Variants in SEPTIN4 observed in about 807,000 individuals in gnomAD.
SEPTIN4 encodes septin-4.
A neutral mutation model predicts 107.1 loss-of-function variants in SEPTIN4; 52 were observed. That is an observed-to-expected ratio of 0.49 (90% CI 0.39 to 0.61). The LOEUF is 0.61. Ranked by LOEUF, SEPTIN4 falls within the 20% of genes least tolerant of loss-of-function variation. The pLI, the probability that SEPTIN4 is intolerant of heterozygous loss-of-function variation, is 0.00. For missense variants in SEPTIN4, 1,048 were observed against 1,243.5 expected (o/e 0.84, Z 2.36); for synonymous variants, 417 against 467.0 (o/e 0.89, Z 1.38).
chr17:58,526,449 T>C (rs1392916811), intron 4 of SEPTIN4, 136 bp from the exon 5 acceptor site: 2 of 1,389,348 alleles, frequency 1.4e-6, no homozygotes, highest in African/African-American at 1.5e-5. Flanking sequence ...AGTTCCCATC[T>C]GAGGCCACCA....
Position 58,520,730 on chromosome 17 carries a change from A to G in SEPTIN4, c.2931+13T>C, listed in dbSNP as rs996934934. The G allele has an allele frequency of 3.7e-6, 6 of 1,613,796 alleles. No individual in the cohort carries two copies. The African/African-American group carries it at 8.0e-5, about 22-fold the overall frequency. On this transcript the variant is annotated intron_variant, in intron 13 of 13. Transcript: ENST00000672673. ...AAACAGGAGACCTCCCCTATACCCC[A>G]TACTGCTCTCACCTCCTCATCTTTC...
At position 58,541,944 on chromosome 17, in the gene SEPTIN4, A is replaced by G. The variant is rs139756375; in HGVS notation, c.1584T>C (p.Asn528=). Residue 528 remains asparagine, a synonymous_variant, in exon 2 of 14, where the codon AAT becomes AAC. Transcript: ENST00000672673. ...GACCTTTTAGCCACCAGATGACACGATTGTACATTTCCTCAGAGACATCTG... is the reference window on the plus strand; with the variant it reads ...GACCTTTTAGCCACCAGATGACACGGTTGTACATTTCCTCAGAGACATCTG... ...FFLDVSEEMY[N]RVIWWLKDEE... is the part of the protein sequence containing the mutation. The G allele has an allele frequency of 8.1e-6, 13 of 1,613,910 alleles. No homozygotes were observed. The East Asian group carries it at 1.8e-4, about 22-fold the overall frequency.
chr17:58,533,993 C>T (rs2043625312), intron 3 of SEPTIN4, among the ~76,000 whole-genome samples: 1 of 152,164 alleles, frequency 6.6e-6, no homozygotes, highest in Admixed American at 6.5e-5. Flanking sequence ...TGGACACAGA[C>T]ACATTTCAAA....
chr17:58,543,646 C>G lies in SEPTIN4; in HGVS notation c.541G>C (p.Val181Leu). 6.2e-7 allele frequency: 1 copy of G among 1,614,164 alleles called. No homozygotes were observed. The highest frequency in any genetic ancestry group is 8.5e-7 in the Non-Finnish European group (1 of 1,180,026). The change falls in exon 1 of 14, where the codon GTC (valine) becomes CTC (leucine). Residue 181 changes from valine to leucine, a missense_variant. Val to Leu is a conservative substitution (Grantham distance 32, BLOSUM62 1). This residue lies in a region of SEPTIN4 where 787 missense variants were observed against 871.8 expected (regional missense o/e 0.90). Coordinates refer to ENST00000672673, the MANE Select transcript of SEPTIN4 (RefSeq NM_001368771.2). ...ACTCTGACTCCTTGGGGGTTCTGGA[C>G]CTTGGATGGTGGGTCATCTTCTAAG... ...QILEDDPPSK[V>L]QNPQGVRVPR...
Position 58,542,638 on chromosome 17 carries a change from C to T in SEPTIN4, c.1549G>A (p.Ala517Thr). 1 of 1,611,342 alleles carries T rather than the reference C, an allele frequency of 6.2e-7. No individual in the cohort carries two copies. The highest frequency in any genetic ancestry group is 8.5e-7 in the Non-Finnish European group (1 of 1,178,842). Reference protein sequence around the residue: ...TCKQPIQRFTAFFLDVSEEMY... With the variant: ...TCKQPIQRFTTFFLDVSEEMY... ...CTTCTTCACATACCCAGGAAGAAAG[C>T]AGTAAACCTTTGAATGGGTTGTTTG... The change falls in exon 1 of 14, where the codon GCT becomes ACT. Residue 517 changes from alanine (A) to threonine (T), a missense_variant. Ala to Thr is a moderately conservative substitution (Grantham distance 58, BLOSUM62 0). Transcript: ENST00000672673.
At position 58,543,819 on chromosome 17, in the gene SEPTIN4, AC is replaced by A; in HGVS notation, c.367del (p.Val123LeufsTer37). 6.2e-7 allele frequency: 1 copy of A among 1,614,086 alleles called. No homozygotes were observed. The highest frequency in any genetic ancestry group is 1.7e-5 in the Admixed American group (1 of 60,016). ...TGCTGCTTCCTCTCTGGGTGGACTA[AC>A]TTTCCATTGTCTGCTTGAAGCATGG... The part of the protein sequence containing the change: ...ASHASSRQWK[V>X]SPPREEAARR... On this transcript the variant is annotated frameshift_variant, in exon 1 of 14. Transcript: ENST00000672673. LOFTEE classifies it high-confidence loss of function.
intron 3 of SEPTIN4, chr17:58,527,763 G>C (rs2043085174): frequency 1.1e-6 from 1 of 880,474 alleles, no homozygotes; most frequent in African/African-American, 1.8e-5. Flanking sequence ...GGCCTCCAGA[G>C]CTTCTGACAG....
intron 3 of SEPTIN4, among the ~76,000 whole-genome samples, chr17:58,534,887 C>T (rs2043655060): frequency 6.6e-6 from 1 of 152,216 alleles, no homozygotes; most frequent in African/African-American, 2.4e-5. Context: ...CATCCCAGGG[C>T]CCAGGTTCAA....
intron 6 of SEPTIN4, chr17:58,525,456 C>T: frequency 1.6e-6 from 1 of 611,896 alleles, no homozygotes; most frequent in Non-Finnish European, 2.9e-6. Context: ...TTCCTGGAAT[C>T]CTTGGGGGTC....
rs2043887185 is a variant in SEPTIN4 at position 58,541,915 on chromosome 17, C to T, written c.1606+7G>A. 6.2e-7 allele frequency: 1 copy of T among 1,613,976 alleles called. No individual in the cohort carries two copies. On this transcript the variant is annotated splice_region_variant and intron_variant, in intron 2 of 13. Coordinates refer to ENST00000672673, the MANE Select transcript of SEPTIN4 (RefSeq NM_001368771.2). The stretch of plus-strand genomic sequence containing the variant: ...ACAGTGGGCCCATAGGAGGGAAAAG[C>T]ACAGACCTTTTAGCCACCAGATGAC...
chr17:58,525,588 A>G, intron 6 of SEPTIN4, 107 bp downstream of exon 6: 1 of 979,704 alleles, frequency 1.0e-6, no homozygotes. Flanking sequence ...CAGTCTCTCT[A>G]GGAGGCCATG....
chr17:58,539,946 C>G (rs1301847107), intron 3 of SEPTIN4, among the ~76,000 whole-genome samples: 1 of 152,196 alleles, frequency 6.6e-6, no homozygotes, highest in Non-Finnish European at 1.5e-5. Flanking sequence ...TGAGCTTAGG[C>G]TGACCCCCAC....
intron 7 of SEPTIN4, among the ~76,000 whole-genome samples, chr17:58,523,674 C>T (rs999218639): frequency 6.6e-6 from 1 of 151,808 alleles, no homozygotes; most frequent in African/African-American, 2.4e-5. Context: ...TATGTGCTCA[C>T]ATTCTAGCTG....
chr17:58,540,524 CT>C, intron 3 of SEPTIN4, 141 bp downstream of exon 3: 1 of 568,248 alleles, frequency 1.8e-6, no homozygotes, highest in East Asian at 3.5e-5. Context: ...ACCAGGTGCT[CT>C]TGTGCAGTGA....
intron 3 of SEPTIN4, chr17:58,529,139 G>A (rs759866179): frequency 2.5e-6 from 4 of 1,614,182 alleles, no homozygotes; most frequent in Non-Finnish European, 3.4e-6. Context: ...TGTCCTCAGG[G>A]ACAGAATTCC....
chr17:58,522,518 G>C (rs1237426810), intron 7 of SEPTIN4, among the ~76,000 whole-genome samples: 3 of 151,746 alleles, frequency 2.0e-5, no homozygotes, highest in Non-Finnish European at 2.9e-5. Flanking sequence ...AAATTAGCTG[G>C]GCGTGGTGGT....
chr17:58,534,730 A>G (rs2144225226), intron 3 of SEPTIN4, among the ~76,000 whole-genome samples: 1 of 152,352 alleles, frequency 6.6e-6, no homozygotes, highest in South Asian at 2.1e-4. Flanking sequence ...CAGCTCAGCC[A>G]CCATAGCTCT....
chr17:58,541,063 GC>G (rs2043864407), intron 2 of SEPTIN4, among the ~76,000 whole-genome samples: 1 of 152,174 alleles, frequency 6.6e-6, no homozygotes, highest in Non-Finnish European at 1.5e-5. Context: ...ACTTTACTAT[GC>G]CCCTACTTTA....
Position 58,543,686 on chromosome 17 carries a change from G to C in SEPTIN4, c.501C>G (p.Asn167Lys). 6.2e-7 allele frequency: 1 copy of C among 1,614,222 alleles called. No individual in the cohort carries two copies. The highest frequency in any genetic ancestry group is 8.5e-7 in the Non-Finnish European group (1 of 1,180,032). ...HQLSFQDQKNNLQSQILEDDP... is the reference protein window; with the variant it reads ...HQLSFQDQKNKLQSQILEDDP... Reference sequence around the variant, plus strand: ...CATCTTCTAAGATTTGTGATTGTAAGTTATTCTTCTGGTCTTGAAAACTCA... The same window carrying C: ...CATCTTCTAAGATTTGTGATTGTAACTTATTCTTCTGGTCTTGAAAACTCA... Residue 167 changes from asparagine (N) to lysine (K), a missense_variant, in exon 1 of 14, where the codon AAC becomes AAG. By Grantham distance (94) the Asn-to-Lys change is moderately conservative. This residue lies in a region of SEPTIN4 where 787 missense variants were observed against 871.8 expected (regional missense o/e 0.90). Coordinates refer to ENST00000672673, the MANE Select transcript of SEPTIN4 (RefSeq NM_001368771.2).
Sources: gnomAD v4.1 joint callset for allele counts (sites outside exome capture counted in the v4.1 genomes callset) on GRCh38, gnomAD v4.1.1 for gene constraint, gnomAD v4.1.1 regional missense constraint, MANE v1.5 for transcripts, NCBI Gene and HGNC (gene_info 2026-07-23, HGNC 2026-07-21) for gene names.